The following NSFL1C variants were observed in gnomAD, a reference collection of about 807,000 sequenced individuals.
NSFL1C encodes the protein NSFL1 cofactor p47.
Under a neutral mutation model 43.1 loss-of-function variants are expected in NSFL1C, and 14 were observed. The ratio of observed to expected loss-of-function variants is 0.32; its 90% confidence interval spans 0.21 to 0.51. NSFL1C has a LOEUF of 0.51. Among genes scored for constraint, NSFL1C ranks in the 20% least tolerant of loss-of-function variants. The pLI, the probability that NSFL1C is intolerant of heterozygous loss-of-function variation, is 0.98. For missense variants in NSFL1C, 406 were observed against 472.5 expected, an observed-to-expected ratio of 0.86 and a Z score of 1.30; for synonymous variants, 171 against 183.5, an observed-to-expected ratio of 0.93 and a Z score of 0.55.
chr20:1,456,670 G>A (rs2122905960), intron 3 of NSFL1C: 1 of 152,168 alleles, frequency 6.6e-6, no homozygotes, highest in South Asian at 2.1e-4. Flanking sequence ...CTTTATTAAG[G>A]GATCTCAAAG....
chr20:1,458,511 A>C (rs995376190), intron 2 of NSFL1C, among the ~76,000 whole-genome samples: 3 of 152,228 alleles, frequency 2.0e-5, no homozygotes, highest in African/African-American at 4.8e-5. Context: ...GTAAAATGGA[A>C]TCCCAATTTA....
At chr20:1,445,611 G>A (rs1302792083) in intron 8 of NSFL1C, 55 bp downstream of exon 8, 2 of 1,577,836 alleles carry the variant, frequency 1.3e-6, no homozygotes, top group East Asian at 4.5e-5. Flanking sequence ...CCACACATTT[G>A]CGTGAGGCCC....
chr20:1,457,497 T>C (rs188860966), intron 3 of NSFL1C, among the ~76,000 whole-genome samples: 75 of 152,342 alleles, frequency 4.9e-4, no homozygotes, highest in African/African-American at 1.8e-3. Flanking sequence ...TTTTATTAAC[T>C]ATATTCATCA....
intron 8 of NSFL1C, among the ~76,000 whole-genome samples, chr20:1,444,686 A>G (rs2090021451): frequency 6.6e-6 from 1 of 152,238 alleles, no homozygotes; most frequent in Non-Finnish European, 1.5e-5. Context: ...TGTGACTTTT[A>G]GCAAACCAAG....
intron 1 of NSFL1C, 110 bp downstream of exon 1, chr20:1,466,610 G>A: frequency 1.9e-6 from 2 of 1,058,988 alleles, no homozygotes; most frequent in Non-Finnish European, 2.7e-6. Context: ...GGGTCGGGCC[G>A]CGGTAGAGCG....
chr20:1,458,295 A>G (rs757715404), intron 2 of NSFL1C, 21 bp from the exon 3 acceptor site: 3 of 1,599,704 alleles, frequency 1.9e-6, no homozygotes, highest in South Asian at 2.2e-5. Context: ...AGAAAGGAGC[A>G]AAATGATCTC....
intron 3 of NSFL1C, among the ~76,000 whole-genome samples, chr20:1,457,592 C>T (rs942480787): frequency 6.6e-6 from 1 of 152,128 alleles, no homozygotes; most frequent in Admixed American, 6.5e-5. Context: ...CCACCATCTC[C>T]CCATTATGCC....
At chr20:1,455,746 T>A (rs41310181) in intron 3 of NSFL1C, 14,403 of 779,342 alleles carry the variant, frequency 0.018, 170 homozygotes, top group Middle Eastern at 0.04. Context: ...GAGGTTCAAA[T>A]CAGCAGATGT....
rs1202847985 is a variant in NSFL1C, at chr20:1,445,776, T to C, written c.840A>G (p.Glu280=). 1 of 1,614,056 alleles carries C rather than the reference T, an allele frequency of 6.2e-7. No homozygotes were observed. Among genetic ancestry groups the C allele is most frequent in the Non-Finnish European group, 8.5e-7 (1 of 1,180,006 alleles). ...TTAAGATGGAAGAGCTGGCTTTGGC[T>C]TCATTTTCTGCCTGTTGGGCTGGAG... ...TSSPAQQAEN[E]AKASSSILID... is the part of the protein sequence containing the mutation. The change falls in exon 8 of 9, where the codon GAA becomes GAG. Residue 280 remains glutamate (E), a synonymous_variant. Transcript: ENST00000216879.
chr20:1,461,742 C>T (rs1477353282), intron 2 of NSFL1C, among the ~76,000 whole-genome samples: 1 of 152,148 alleles, frequency 6.6e-6, no homozygotes, highest in African/African-American at 2.4e-5. Flanking sequence ...TCAGTGTCCT[C>T]ATCTGTAAAA....
chr20:1,455,996 G>C, intron 3 of NSFL1C: 1 of 488,006 alleles, frequency 2.0e-6, no homozygotes, highest in Non-Finnish European at 3.7e-6. Context: ...TTTTTATATG[G>C]GCCTGAAAAC....
intron 8 of NSFL1C, among the ~76,000 whole-genome samples, chr20:1,444,686 A>T (rs2090021451): frequency 1.3e-5 from 2 of 152,238 alleles, no homozygotes; most frequent in African/African-American, 4.8e-5. Flanking sequence ...TGTGACTTTT[A>T]GCAAACCAAG....
chr20:1,461,370 G>A (rs1295078714), intron 2 of NSFL1C, among the ~76,000 whole-genome samples: 4 of 152,188 alleles, frequency 2.6e-5, no homozygotes, highest in African/African-American at 4.8e-5. Flanking sequence ...GCAATAACAC[G>A]CTCAGCAGAG....
intron 3 of NSFL1C, among the ~76,000 whole-genome samples, chr20:1,457,520 G>A (rs1390439852): frequency 6.6e-6 from 1 of 152,076 alleles, no homozygotes; most frequent in Admixed American, 6.6e-5. Flanking sequence ...CTGTGCAAGA[G>A]ATCTAAAAAA....
At chr20:1,466,403 T>C (rs1384462281) in intron 1 of NSFL1C, among the ~76,000 whole-genome samples, 1 of 152,294 alleles carries the variant, frequency 6.6e-6, no homozygotes, top group Middle Eastern at 3.4e-3. Context: ...CTCCAGCAGA[T>C]ACTCGGCGCG....
intron 2 of NSFL1C, among the ~76,000 whole-genome samples, chr20:1,462,487 A>C (rs142853938): frequency 1.3e-5 from 2 of 151,668 alleles, no homozygotes; most frequent in African/African-American, 4.8e-5. Context: ...CTTCAGTTCT[A>C]ATGTTAAACT....
At position 1,464,163 on chromosome 20, in the gene NSFL1C, G is replaced by T. The variant is rs568423972; in HGVS notation, c.203+166C>A. The T allele has an allele frequency of 8.2e-5, 52 of 630,874 alleles. No homozygotes were observed. The African/African-American group carries it at 8.7e-4, about 11-fold the overall frequency. 39.1% of individuals were successfully genotyped at this position (630,874 alleles called of 1,614,324 possible). The stretch of plus-strand genomic sequence containing the variant: ...ACCCAGTTAAAAGTCATGCATCTCT[G>T]TATAGGAAATGACTGAGGCCTGCTG... On this transcript the variant is annotated intron_variant, in intron 2 of 8. Transcript: ENST00000216879.
At chr20:1,454,348 G>T (rs746634727) in intron 4 of NSFL1C, 43 bp from the exon 5 acceptor site, 1 of 1,313,696 alleles carries the variant, frequency 7.6e-7, no homozygotes, top group Non-Finnish European at 1.1e-6. Flanking sequence ...GTTGGTCCAT[G>T]GTACAAGGGT....
chr20:1,446,426 C>T (rs1039252089), intron 7 of NSFL1C, among the ~76,000 whole-genome samples: 2 of 152,112 alleles, frequency 1.3e-5, no homozygotes, highest in East Asian at 3.9e-4. Context: ...CTAAAGGGCA[C>T]TGAAAAGCCA....
Sources: gnomAD v4.1 joint callset for allele counts (sites outside exome capture counted in the v4.1 genomes callset) on GRCh38, gnomAD v4.1.1 for gene constraint, MANE v1.5 for transcripts, NCBI Gene and HGNC (gene_info 2026-07-23, HGNC 2026-07-21) for gene names.